Variants in PARD6G observed in about 807,000 individuals in gnomAD.
The protein encoded by PARD6G is par-6 family cell polarity regulator gamma, also known as partitioning defective 6 homolog gamma.
A neutral mutation model predicts 10.7 loss-of-function variants in PARD6G; 7 were observed. The ratio of observed to expected loss-of-function variants is 0.66; its 90% CI spans 0.37 to 1.23. The LOEUF is 1.23. Ranked by LOEUF, PARD6G falls within the 50% of genes most tolerant of loss-of-function variation. PARD6G has a pLI of 0.02. For missense variants in PARD6G, 548 were observed against 571.8 expected (o/e 0.96, Z 0.42); for synonymous variants, 287 against 269.4 (o/e 1.07, Z -0.64).
chr18:80,215,849 T>C (rs1045525414), intron 1 of PARD6G, among the ~76,000 whole-genome samples: 2 of 151,854 alleles, frequency 1.3e-5, no homozygotes, highest in Non-Finnish European at 2.9e-5. Context: ...AAAACACAAA[T>C]AGAAACAACA....
intron 1 of PARD6G, among the ~76,000 whole-genome samples, chr18:80,237,137 G>A (rs2145305634): frequency 6.6e-6 from 1 of 151,664 alleles, no homozygotes; most frequent in East Asian, 1.9e-4. Context: ...GCATGGTACT[G>A]GTACCAAAAA....
chr18:80,198,560 T>C (rs1966978876), intron 2 of PARD6G, among the ~76,000 whole-genome samples: 1 of 152,226 alleles, frequency 6.6e-6, no homozygotes, highest in Admixed American at 6.5e-5. Flanking sequence ...TGGGCTGTGC[T>C]GAGTGCCTTC....
intron 1 of PARD6G, among the ~76,000 whole-genome samples, chr18:80,245,339 G>A (rs974087309): frequency 6.6e-6 from 1 of 152,158 alleles, no homozygotes; most frequent in African/African-American, 2.4e-5. Context: ...AGTCTTTAAC[G>A]CTCATGTTAA....
At chr18:80,195,747 T>C (rs1344509104) in intron 2 of PARD6G, among the ~76,000 whole-genome samples, 1 of 150,850 alleles carries the variant, frequency 6.6e-6, no homozygotes, top group African/African-American at 2.4e-5. Context: ...TGGTGGCGCG[T>C]GCCTGTAGTC....
chr18:80,164,980 C>CTT (rs1375435009), intron 2 of PARD6G, among the ~76,000 whole-genome samples: 2 of 152,106 alleles, frequency 1.3e-5, no homozygotes, highest in East Asian at 3.8e-4. Context: ...ATCCAACAAA[C>CTT]ACAAGGCAAA....
intron 1 of PARD6G, among the ~76,000 whole-genome samples, chr18:80,222,383 C>G (rs574320450): frequency 9.9e-5 from 15 of 152,104 alleles, no homozygotes; most frequent in Non-Finnish European, 1.9e-4. Context: ...GCCATGGCAC[C>G]CAGCCGGAAG....
chr18:80,176,173 G>T (rs766818027), intron 2 of PARD6G, among the ~76,000 whole-genome samples: 1 of 152,164 alleles, frequency 6.6e-6, no homozygotes, highest in Non-Finnish European at 1.5e-5. Context: ...GAAAGTATCC[G>T]TGGTATAGAG....
intron 1 of PARD6G, among the ~76,000 whole-genome samples, chr18:80,215,978 CTA>C (rs1967161212): frequency 1.3e-5 from 2 of 151,792 alleles, no homozygotes; most frequent in Non-Finnish European, 2.9e-5. Context: ...GCTGAAGTGG[CTA>C]TATAAACAGC....
At chr18:80,225,346 C>T (rs1481329259) in intron 1 of PARD6G, among the ~76,000 whole-genome samples, 1 of 152,214 alleles carries the variant, frequency 6.6e-6, no homozygotes, top group African/African-American at 2.4e-5. Flanking sequence ...AAGCTCCTGG[C>T]CATTTCCATC....
intron 1 of PARD6G, among the ~76,000 whole-genome samples, chr18:80,214,607 T>A (rs1412950738): frequency 6.6e-6 from 1 of 152,000 alleles, no homozygotes; most frequent in East Asian, 1.9e-4. Flanking sequence ...CAACAGCAGA[T>A]TAGAGATGGC....
Position 80,192,361 on chromosome 18 carries a change from G to C in PARD6G, c.295+10349C>G, listed in dbSNP as rs1395792576. On this transcript the variant is annotated intron_variant, in intron 2 of 2. Transcript: ENST00000353265. The surrounding 1 kb of genome is among the most constrained non-coding windows in gnomAD (Gnocchi z 4.9). ...GCCACTTGGGAGCAGATCTGTTTTG[G>C]AGCCCTTAGGTGAGGCCTCAACTGA... Among the ~76,000 whole-genome samples, 1 of 152,196 alleles carries C rather than the reference G, an allele frequency of 6.6e-6. No individual in the cohort carries two copies. Among genetic ancestry groups the C allele is most frequent in the Non-Finnish European group, 1.5e-5 (1 of 68,028 alleles).
chr18:80,204,950 T>TTAA (rs570635258), intron 1 of PARD6G, among the ~76,000 whole-genome samples: 32 of 151,856 alleles, frequency 2.1e-4, no homozygotes, highest in South Asian at 1.9e-3. Context: ...AGACTCAGTC[T>TTAA]TAATAATAAT....
chr18:80,194,556 A>G (rs955143340), intron 2 of PARD6G, among the ~76,000 whole-genome samples: 3 of 152,188 alleles, frequency 2.0e-5, no homozygotes, highest in African/African-American at 7.2e-5. Context: ...GCAGAGGTTC[A>G]TAAACGTCAA....
In PARD6G at chr18:80,159,813, C is replaced by T. The variant is rs1422602275; in HGVS notation, c.1089G>A (p.Pro363=). Residue 363 remains proline, a synonymous_variant, in exon 3 of 3, where the codon CCG becomes CCA. Transcript: ENST00000353265. ...GCCCGTGCTCCTCCACGCCGCCTGGCGGCAGCGCCAGGCTGTGACGGGGGT... is the reference window on the plus strand; with the variant it reads ...GCCCGTGCTCCTCCACGCCGCCTGGTGGCAGCGCCAGGCTGTGACGGGGGT... ...RADPRHSLAL[P]PGGVEEHGPA... 2 of 1,465,114 alleles carry T rather than the reference C, an allele frequency of 1.4e-6. No individual in the cohort carries two copies. Among genetic ancestry groups the T allele is most frequent in the Non-Finnish European group, 9.0e-7 (1 of 1,113,996 alleles). 90.8% of individuals were successfully genotyped at this position (1,465,114 alleles called of 1,614,324 possible).
chr18:80,209,169 T>C (rs1204374977), intron 1 of PARD6G, among the ~76,000 whole-genome samples: 4 of 151,590 alleles, frequency 2.6e-5, no homozygotes, highest in African/African-American at 7.3e-5. Context: ...CCTGACACTA[T>C]GAGCTGTATC....
At chr18:80,165,844 G>A (rs2052732217) in intron 2 of PARD6G, among the ~76,000 whole-genome samples, 2 of 152,202 alleles carry the variant, frequency 1.3e-5, no homozygotes, top group Admixed American at 1.3e-4. Flanking sequence ...CACTTTGGAA[G>A]GCCAAGGTGG....
At chr18:80,191,720 AC>A (rs1319612122) in intron 2 of PARD6G, among the ~76,000 whole-genome samples, 21 of 152,250 alleles carry the variant, frequency 1.4e-4, no homozygotes, top group Admixed American at 1.4e-3. Flanking sequence ...GGACCCTTGG[AC>A]TTGGCCCAGC....
At chr18:80,205,406 C>T (rs1254611259) in intron 1 of PARD6G, among the ~76,000 whole-genome samples, 2 of 152,178 alleles carry the variant, frequency 1.3e-5, no homozygotes, top group East Asian at 1.9e-4. Context: ...TATACTCACA[C>T]GGTTTGCATC....
intron 1 of PARD6G, among the ~76,000 whole-genome samples, chr18:80,215,650 C>T (rs556577497): frequency 3.3e-5 from 5 of 151,656 alleles, no homozygotes; most frequent in Admixed American, 2.0e-4. Context: ...TAAAAAGAAA[C>T]AACAAAGAAA....
Sources: gnomAD v4.1 joint callset for allele counts (sites outside exome capture counted in the v4.1 genomes callset) on GRCh38, gnomAD v4.1.1 for gene constraint, Gnocchi (gnomAD v3.1) non-coding constraint, MANE v1.5 for transcripts, NCBI Gene and HGNC (gene_info 2026-07-23, HGNC 2026-07-21) for gene names.